MACROD2: variants seen among roughly 807,000 people sequenced by gnomAD.
The protein encoded by MACROD2 is mono-ADP ribosylhydrolase 2, also known as ADP-ribose glycohydrolase MACROD2.
In MACROD2, 36 loss-of-function variants were observed where a neutral mutation model predicts 70.4. The observed-to-expected ratio is 0.51, with a 90% CI of 0.39 to 0.68. The LOEUF (loss-of-function observed/expected upper bound fraction) is 0.68. Ranked by LOEUF, MACROD2 falls within the 30% of genes least tolerant of loss-of-function variation. The pLI is 0.00. For synonymous variants in MACROD2, 172 were observed against 178.8 expected (o/e 0.96, Z 0.30); for missense variants, 496 against 538.4 (o/e 0.92, Z 0.78).
intron 5 of MACROD2, among the ~76,000 whole-genome samples, chr20:14,908,870 T>A (rs1013373458): frequency 6.6e-6 from 1 of 152,172 alleles, no homozygotes; most frequent in African/African-American, 2.4e-5. Flanking sequence ...GAGGAGACAG[T>A]ACTACAAGAG....
At chr20:14,773,445 T>G (rs2072196532) in intron 5 of MACROD2, among the ~76,000 whole-genome samples, 1 of 152,078 alleles carries the variant, frequency 6.6e-6, no homozygotes, top group Non-Finnish European at 1.5e-5. Flanking sequence ...GTTTTTAGAC[T>G]TCACATATAA....
chr20:14,672,060 T>G (rs1379100094), intron 4 of MACROD2, among the ~76,000 whole-genome samples: 1 of 152,334 alleles, frequency 6.6e-6, no homozygotes, highest in Middle Eastern at 3.4e-3. Flanking sequence ...TCCCTTCTGA[T>G]GAGGATGATG....
At chr20:14,312,397 A>G (rs1461646081) in intron 3 of MACROD2, among the ~76,000 whole-genome samples, 2 of 152,212 alleles carry the variant, frequency 1.3e-5, no homozygotes, top group Non-Finnish European at 2.9e-5. Flanking sequence ...TCACTAGTCA[A>G]ACATCATAAG....
intron 6 of MACROD2, among the ~76,000 whole-genome samples, chr20:15,354,737 T>C (rs2078267188): frequency 6.6e-6 from 1 of 152,208 alleles, no homozygotes; most frequent in Non-Finnish European, 1.5e-5. Flanking sequence ...AGGAATAAGT[T>C]ACTTTCACTG....
chr20:15,496,587 A>G (rs999779208), intron 7 of MACROD2, among the ~76,000 whole-genome samples: 6 of 152,230 alleles, frequency 3.9e-5, no homozygotes, highest in African/African-American at 1.4e-4. Flanking sequence ...GGTCATTGCA[A>G]CTGAGTGTGA....
intron 3 of MACROD2, among the ~76,000 whole-genome samples, chr20:14,178,479 A>C (rs1157214169): frequency 6.6e-6 from 1 of 152,150 alleles, no homozygotes; most frequent in Non-Finnish European, 1.5e-5. Context: ...AGAAAGAAGG[A>C]GATATTAGAA....
At position 14,010,466 on chromosome 20, in the gene MACROD2, T is replaced by C. The variant is rs201062660; in HGVS notation, c.163+8062T>C. On this transcript the variant is annotated intron_variant, in intron 2 of 17. Transcript: ENST00000684519. ...CTTCACAGAAATACATTGTAATTTC[T>C]GTCTGACTTTTTTGCCTTTTCATTT... Among the ~76,000 whole-genome samples, 3 of 152,326 alleles carry C rather than the reference T, an allele frequency of 2.0e-5. No homozygotes were observed. The East Asian group carries it at 5.8e-4, about 29-fold the overall frequency.
At chr20:14,555,353 TA>T (rs1978959069) in intron 4 of MACROD2, among the ~76,000 whole-genome samples, 1 of 152,110 alleles carries the variant, frequency 6.6e-6, no homozygotes, top group African/African-American at 2.4e-5. Flanking sequence ...GGGAGAATTC[TA>T]ATTTAAACCA....
chr20:15,772,101 A>AAAATAT (rs1555777716), intron 8 of MACROD2, among the ~76,000 whole-genome samples: 2 of 91,422 alleles, frequency 2.2e-5, no homozygotes, highest in African/African-American at 5.1e-5. Flanking sequence ...AAAAAAAAAA[A>AAAATAT]ATATATATAT....
At chr20:15,332,778 T>C (rs2078006647) in intron 6 of MACROD2, among the ~76,000 whole-genome samples, 1 of 151,688 alleles carries the variant, frequency 6.6e-6, no homozygotes, top group South Asian at 2.1e-4. Context: ...CCATGACCTT[T>C]GTATGAATAT....
chr20:14,856,404 C>T (rs1355781872), intron 5 of MACROD2, among the ~76,000 whole-genome samples: 1 of 152,030 alleles, frequency 6.6e-6, no homozygotes, highest in African/African-American at 2.4e-5. Flanking sequence ...TGGGGAAATC[C>T]AGTTATAAAA....
At chr20:15,871,749 A>G (rs2064587478) in intron 9 of MACROD2, among the ~76,000 whole-genome samples, 1 of 152,182 alleles carries the variant, frequency 6.6e-6, no homozygotes, top group South Asian at 2.1e-4. Flanking sequence ...TTCAGATTGG[A>G]AAAATTGTAA....
At chr20:15,668,758 C>T (rs762894103) in intron 8 of MACROD2, among the ~76,000 whole-genome samples, 28 of 152,146 alleles carry the variant, frequency 1.8e-4, no homozygotes, top group African/African-American at 7.2e-5. Flanking sequence ...TTGACACTGG[C>T]GTCATTGCCT....
intron 10 of MACROD2, among the ~76,000 whole-genome samples, chr20:15,905,954 G>T (rs2065141159): frequency 6.6e-6 from 1 of 152,166 alleles, no homozygotes; most frequent in Non-Finnish European, 1.5e-5. Flanking sequence ...GAAACCCAGG[G>T]TACTGTATTC....
chr20:14,358,063 T>C (rs1364714733), intron 3 of MACROD2, among the ~76,000 whole-genome samples: 1 of 152,204 alleles, frequency 6.6e-6, no homozygotes, highest in African/African-American at 2.4e-5. Context: ...ATGGGAAAAT[T>C]GTTCATTTTA....
chr20:14,616,737 G>A (rs986405638), intron 4 of MACROD2, among the ~76,000 whole-genome samples: 8 of 152,052 alleles, frequency 5.3e-5, no homozygotes, highest in African/African-American at 1.9e-4. Flanking sequence ...ACAAAAATGA[G>A]ATGGATGAAC....
intron 15 of MACROD2, among the ~76,000 whole-genome samples, chr20:16,040,792 G>A (rs1466482611): frequency 2.6e-5 from 4 of 151,992 alleles, no homozygotes; most frequent in African/African-American, 9.7e-5. Context: ...TCAGCTTTCA[G>A]TCATGCCTAA....
At chr20:15,553,378 C>T (rs2048123647) in intron 8 of MACROD2, among the ~76,000 whole-genome samples, 1 of 152,180 alleles carries the variant, frequency 6.6e-6, no homozygotes, top group Non-Finnish European at 1.5e-5. Context: ...GTGTTCACCC[C>T]TGTTTCTCAA....
chr20:14,460,670 T>G (rs576894313), intron 3 of MACROD2, among the ~76,000 whole-genome samples: 2 of 152,214 alleles, frequency 1.3e-5, no homozygotes, highest in Admixed American at 1.3e-4. Context: ...CTGCATCTGT[T>G]GAGATAATCA....
Sources: allele counts gnomAD v4.1 joint callset (sites outside exome capture counted in the v4.1 genomes callset), GRCh38; gene constraint gnomAD v4.1.1; transcripts MANE v1.5; gene names NCBI Gene and HGNC (gene_info 2026-07-23, HGNC 2026-07-21).